The following TNNC2 variants were observed in gnomAD, a reference collection of about 807,000 sequenced individuals.
TNNC2 encodes the protein troponin C2, fast skeletal type.
In TNNC2, 14 loss-of-function variants were observed where a neutral mutation model predicts 20.0. The ratio of observed to expected loss-of-function variants is 0.70; its 90% CI spans 0.46 to 1.09. The LOEUF is 1.09. TNNC2 is among the 50% of genes least tolerant of loss of function. The pLI is 0.00. For missense variants in TNNC2, 163 were observed against 223.8 expected, an observed-to-expected ratio of 0.73 and a Z score of 1.73; for synonymous variants, 81 against 77.3, an observed-to-expected ratio of 1.05 and a Z score of -0.25.
At chr20:45,832,664 G>C (rs898683840) in intron 2 of TNNC2, among the ~76,000 whole-genome samples, 4 of 152,206 alleles carry the variant, frequency 2.6e-5, no homozygotes, top group African/African-American at 9.7e-5. Flanking sequence ...AGCTACTTTG[G>C]AGAGATTTTG....
chr20:45,823,441 G>A lies in TNNC2; in HGVS notation c.452-62C>T. 1 of 1,507,162 alleles carries A rather than the reference G, an allele frequency of 6.6e-7. No homozygotes were observed. The highest frequency in any genetic ancestry group is 1.2e-5 in the South Asian group (1 of 82,534). 93.4% of individuals were successfully genotyped at this position (1,507,162 alleles called of 1,614,324 possible). A position where few individuals can be genotyped will look rare whatever the true frequency, so the allele number is the denominator to read the frequency against. On this transcript the variant is annotated intron_variant, in intron 5 of 5. Coordinates refer to ENST00000372555, the MANE Select transcript of TNNC2 (RefSeq NM_003279.3). The surrounding 1 kb of genome is among the most constrained non-coding windows in gnomAD (Gnocchi z 4.6). Reference sequence around the variant, plus strand: ...CTGGGGACGCAGAGGCCAGGCCAGGGCTCCAGCCACACAGAGGGGATGACT... The same window carrying A: ...CTGGGGACGCAGAGGCCAGGCCAGGACTCCAGCCACACAGAGGGGATGACT...
rs944382816 is a variant in TNNC2, at chr20:45,824,514, G to C, written c.180C>G (p.Ile60Met). The change falls in exon 3 of 6, where the codon ATC becomes ATG. Residue 60 changes from isoleucine to methionine, a missense_variant. Coordinates refer to ENST00000372555, the MANE Select transcript of TNNC2 (RefSeq NM_003279.3). ...TPTKEELDAIIEEVDEDGSGT... is the reference protein window; with the variant it reads ...TPTKEELDAIMEEVDEDGSGT... ...GCTCACCGTCCTCATCCACCTCCTC[G>C]ATGATGGCGTCCAGCTCCTCCTTGG... 1.9e-6 allele frequency: 3 copies of C among 1,613,650 alleles called. No individual in the cohort carries two copies. The highest frequency in any genetic ancestry group is 2.2e-5 in the East Asian group (1 of 44,872).
At chr20:45,829,611 C>A (rs919386932), upstream of TNNC2, among the ~76,000 whole-genome samples, 1 of 151,606 alleles carries the variant, frequency 6.6e-6, no homozygotes, top group Non-Finnish European at 1.5e-5. Flanking sequence ...AACCCCATCT[C>A]TACTAAAAAT....
At chr20:45,832,211 G>A (rs1263180605), upstream of TNNC2, among the ~76,000 whole-genome samples, 2 of 152,194 alleles carry the variant, frequency 1.3e-5, no homozygotes, top group East Asian at 1.9e-4. Flanking sequence ...TCAGGAGGCT[G>A]AGGCAGGAGA....
In TNNC2 at chr20:45,823,951, G is replaced by A. The variant is rs759345093; in HGVS notation, c.451+40C>T. Reference sequence around the variant, plus strand: ...GGCACCAGTGCCCGCCGTCCTCTGGGGCTCCCACCCGCTCTTCCCAAGCTC... The same window carrying A: ...GGCACCAGTGCCCGCCGTCCTCTGGAGCTCCCACCCGCTCTTCCCAAGCTC... On this transcript the variant is annotated intron_variant, in intron 5 of 5. Transcript: ENST00000372555. This position sits in a 1 kb window ranked among gnomAD's most constrained non-coding sequence, Gnocchi z 4.6. 2 of 1,612,350 alleles carry A rather than the reference G, an allele frequency of 1.2e-6. No individual in the cohort carries two copies. The highest frequency in any genetic ancestry group is 4.5e-5 in the East Asian group (2 of 44,824).
chr20:45,832,273 G>C (rs1369034034), upstream of TNNC2, among the ~76,000 whole-genome samples: 1 of 152,174 alleles, frequency 6.6e-6, no homozygotes, highest in African/African-American at 2.4e-5. Flanking sequence ...TTGCATCACT[G>C]TACTCCAGCC....
intron 1 of TNNC2, among the ~76,000 whole-genome samples, chr20:45,825,077 G>A (rs922063037): frequency 9.2e-5 from 14 of 152,096 alleles, no homozygotes; most frequent in Non-Finnish European, 1.0e-4. Flanking sequence ...TCAACCTCCT[G>A]GGCTCAAGCA....
Position 45,824,339 on chromosome 20 carries a change from T to C in TNNC2, c.267A>G (p.Lys89=), listed in dbSNP as rs1427066059. The change falls in exon 4 of 6, where the codon AAA becomes AAG. Residue 89 remains lysine (K), a synonymous_variant. Transcript: ENST00000372555. ...MMVRQMKEDA[K]GKSEEELAEC... ...CGGCCAGCTCCTCCTCGCTCTTCCCTTTCGCGTCCTCTTTCATCTGGCGCA... is the reference window on the plus strand; with the variant it reads ...CGGCCAGCTCCTCCTCGCTCTTCCCCTTCGCGTCCTCTTTCATCTGGCGCA... 1 of 1,611,248 alleles carries C rather than the reference T, an allele frequency of 6.2e-7. No individual in the cohort carries two copies. The highest frequency in any genetic ancestry group is 1.1e-5 in the South Asian group (1 of 91,088).
chr20:45,825,840 G>A (rs1982953880), intron 1 of TNNC2, among the ~76,000 whole-genome samples: 1 of 151,858 alleles, frequency 6.6e-6, no homozygotes, highest in Admixed American at 6.6e-5. Context: ...GGCTGGTCTC[G>A]AACCCCCTAC....
intron 2 of TNNC2, 55 bp from the exon 3 acceptor site, chr20:45,824,693 C>G (rs2145726806): frequency 6.4e-7 from 1 of 1,562,366 alleles, no homozygotes; most frequent in Non-Finnish European, 8.7e-7. Context: ...CAGCCTCACA[C>G]CTACCCCCCC....
chr20:45,826,987 G>T (rs1207206016), intron 1 of TNNC2, among the ~76,000 whole-genome samples: 3 of 152,166 alleles, frequency 2.0e-5, no homozygotes, highest in Non-Finnish European at 4.4e-5. Context: ...GCTCTTCACA[G>T]GTCTATGAAT....
intron 1 of TNNC2, among the ~76,000 whole-genome samples, chr20:45,826,583 T>G (rs1982976077): frequency 6.6e-6 from 1 of 152,196 alleles, no homozygotes; most frequent in Non-Finnish European, 1.5e-5. Context: ...CCTCTCCTCC[T>G]CTTTCCCTAT....
chr20:45,829,284 C>T (rs967751905), upstream of TNNC2, among the ~76,000 whole-genome samples: 2 of 151,748 alleles, frequency 1.3e-5, no homozygotes, highest in African/African-American at 4.8e-5. Flanking sequence ...CCTGCCTCAG[C>T]CTCCCGAGTA....
rs757823227 is a variant in TNNC2, at chr20:45,823,355, A to G, written c.476T>C (p.Val159Ala). The stretch of plus-strand genomic sequence containing the variant: ...GAGGCGACTGTCCACTCCTTACTGC[A>G]CGCCCTCCATCATCTTCAGGAACTC... ...FDEFLKMMEG[V>A]Q is the part of the protein sequence containing the mutation. The change falls in exon 6 of 6, where the codon GTG becomes GCG. Residue 159 changes from valine (V) to alanine (A), a missense_variant. Physicochemically the swap from Val to Ala is moderately conservative, Grantham distance 64. Coordinates refer to ENST00000372555, the MANE Select transcript of TNNC2 (RefSeq NM_003279.3). The surrounding 1 kb of genome is among the most constrained non-coding windows in gnomAD (Gnocchi z 4.6). 2 of 1,590,788 alleles carry G rather than the reference A, an allele frequency of 1.3e-6. No individual in the cohort carries two copies. The highest frequency in any genetic ancestry group is 1.7e-6 in the Non-Finnish European group (2 of 1,169,066).
intron 1 of TNNC2, 148 bp from the exon 2 acceptor site, chr20:45,824,982 G>A (rs989919786): frequency 1.2e-5 from 10 of 851,546 alleles, no homozygotes; most frequent in Non-Finnish European, 1.9e-5. Context: ...TTGTGTGCCC[G>A]CACAGCACCC....
chr20:45,823,954 T>C lies in TNNC2; in HGVS notation c.451+37A>G. The C allele has an allele frequency of 1.8e-5, 29 of 1,598,360 alleles. No individual in the cohort carries two copies. Among genetic ancestry groups the C allele is most frequent in the Middle Eastern group, 1.7e-4 (1 of 5,994 alleles). On this transcript the variant is annotated intron_variant, in intron 5 of 5. Coordinates refer to ENST00000372555, the MANE Select transcript of TNNC2 (RefSeq NM_003279.3). This position sits in a 1 kb window ranked among gnomAD's most constrained non-coding sequence, Gnocchi z 4.6. Reference sequence around the variant, plus strand: ...ACCAGTGCCCGCCGTCCTCTGGGGCTCCCACCCGCTCTTCCCAAGCTCCCG... The same window carrying C: ...ACCAGTGCCCGCCGTCCTCTGGGGCCCCCACCCGCTCTTCCCAAGCTCCCG...
At chr20:45,830,335 CAA>C (rs781603612), upstream of TNNC2, among the ~76,000 whole-genome samples, 26 of 54,186 alleles carry the variant, frequency 4.8e-4, no homozygotes, top group African/African-American at 1.3e-3. Context: ...GACTGCATCT[CAA>C]AAAAAAAAAA....
Position 45,823,508 on chromosome 20 carries a change from C to CTCAA in TNNC2, c.452-130_452-129insTTGA. On this transcript the variant is annotated intron_variant, in intron 5 of 5. Coordinates refer to ENST00000372555, the MANE Select transcript of TNNC2 (RefSeq NM_003279.3). The surrounding 1 kb of genome is among the most constrained non-coding windows in gnomAD (Gnocchi z 4.6). Reference sequence around the variant, plus strand: ...GTTGAGACAGAGTCTCACTCTGTTGCCAAGGTCGCCAAGGTCTGTCACCCA... The same window carrying CTCAA: ...GTTGAGACAGAGTCTCACTCTGTTGCTCAACAAGGTCGCCAAGGTCTGTCACCCA... 1 of 805,308 alleles carries CTCAA rather than the reference C, an allele frequency of 1.2e-6. No homozygotes were observed. Among genetic ancestry groups the CTCAA allele is most frequent in the Non-Finnish European group, 1.9e-6 (1 of 520,586 alleles). The allele number at this position is 805,308 out of a possible 1,614,324, so 49.9% of individuals were successfully genotyped here.
At chr20:45,831,750 TA>T (rs1983113845), upstream of TNNC2, among the ~76,000 whole-genome samples, 1 of 152,230 alleles carries the variant, frequency 6.6e-6, no homozygotes, top group African/African-American at 2.4e-5. Flanking sequence ...TGACCCAGCA[TA>T]AGCCCTTCCC....
Sources: allele counts gnomAD v4.1 joint callset (sites outside exome capture counted in the v4.1 genomes callset), GRCh38; gene constraint gnomAD v4.1.1; non-coding constraint Gnocchi (gnomAD v3.1); transcripts MANE v1.5; gene names NCBI Gene and HGNC (gene_info 2026-07-23, HGNC 2026-07-21).